The following EYS variants were observed in gnomAD, a reference collection of about 807,000 sequenced individuals.
EYS encodes the protein protein eyes shut homolog.
Under a neutral mutation model 282.1 loss-of-function variants are expected in EYS, and 250 were observed. That is an observed-to-expected ratio of 0.89 (90% confidence interval 0.80 to 0.98). EYS has a LOEUF of 0.98. Ranked by LOEUF, EYS falls within the 50% of genes least tolerant of loss-of-function variation. The pLI is 0.00. For missense variants in EYS, 4,016 were observed against 3,709.0 expected (o/e 1.08, Z -2.15); for synonymous variants, 1,355 against 1,282.9 (o/e 1.06, Z -1.20).
chr6:64,277,767 A>G (rs1352195835), intron 30 of EYS, among the ~76,000 whole-genome samples: 1 of 152,148 alleles, frequency 6.6e-6, no homozygotes, highest in Non-Finnish European at 1.5e-5. Flanking sequence ...GAGGATGGAG[A>G]AACAAAGTGT....
At chr6:65,531,953 GT>G (rs1174935951) in intron 2 of EYS, among the ~76,000 whole-genome samples, 1 of 151,966 alleles carries the variant, frequency 6.6e-6, no homozygotes, top group Non-Finnish European at 1.5e-5. Context: ...AAGGGAATTT[GT>G]TAACTCTGTG....
At position 64,778,795 on chromosome 6, in the gene EYS, G is replaced by A. The variant is rs994477616; in HGVS notation, c.3443+34583C>T. Among the ~76,000 whole-genome samples the A allele has an allele frequency of 7.2e-5, 11 of 151,864 alleles. No individual in the cohort carries two copies. In the South Asian group the frequency reaches 1.5e-3, roughly 20 times the overall value. ...AATAAGCATATGTAGCTATCCACAC[G>A]ATTTCTTAAAACCCATCAACAACAA... On this transcript the variant is annotated intron_variant, in intron 22 of 42. Transcript: ENST00000503581.
chr6:64,154,300 C>A (rs150577420), intron 31 of EYS, among the ~76,000 whole-genome samples: 2 of 151,954 alleles, frequency 1.3e-5, no homozygotes, highest in East Asian at 1.9e-4. Context: ...ATTAGCTGGG[C>A]GTGGTGGTAC....
intron 26 of EYS, among the ~76,000 whole-genome samples, chr6:64,472,004 T>A (rs1472096733): frequency 6.6e-6 from 1 of 152,188 alleles, no homozygotes; most frequent in Non-Finnish European, 1.5e-5. Flanking sequence ...GTGATAGATA[T>A]CTTAAATACT....
intron 16 of EYS, among the ~76,000 whole-genome samples, chr6:64,904,806 C>T (rs1258299776): frequency 3.3e-5 from 5 of 152,054 alleles, no homozygotes; most frequent in Non-Finnish European, 5.9e-5. Context: ...CACAGGATAA[C>T]CTTGTTTCCT....
intron 2 of EYS, among the ~76,000 whole-genome samples, chr6:65,625,239 C>T (rs1220465751): frequency 6.6e-6 from 1 of 152,164 alleles, no homozygotes; most frequent in Non-Finnish European, 1.5e-5. Flanking sequence ...ATCTTATATT[C>T]CCCGAAAAGC....
chr6:64,900,944 A>G lies in EYS; in HGVS notation c.2846+1169T>C, dbSNP rs368285923. On this transcript the variant is annotated intron_variant, in intron 18 of 42. Coordinates refer to ENST00000503581, the MANE Select transcript of EYS (RefSeq NM_001142800.2). ...CTACTATAAAGACACATGCACACGCATGTTTATTGCAGCACTATTAACAAT... is the reference window on the plus strand; with the variant it reads ...CTACTATAAAGACACATGCACACGCGTGTTTATTGCAGCACTATTAACAAT... 1.8e-4 allele frequency among the ~76,000 whole-genome samples: 28 copies of G among 152,250 alleles called. 1 individual carries two copies. In the East Asian group the frequency reaches 3.5e-3, roughly 19 times the overall value.
intron 22 of EYS, among the ~76,000 whole-genome samples, chr6:64,747,189 T>C (rs1238980303): frequency 6.6e-6 from 1 of 152,228 alleles, no homozygotes; most frequent in African/African-American, 2.4e-5. Context: ...TAAGGATCAA[T>C]GGGTTATATC....
intron 29 of EYS, among the ~76,000 whole-genome samples, chr6:64,320,970 ACAGTTTC>A (rs1306775112): frequency 6.6e-6 from 1 of 151,824 alleles, no homozygotes; most frequent in East Asian, 1.9e-4. Context: ...AATGGAATGA[ACAGTTTC>A]CAGTACCAAA....
intron 36 of EYS, among the ~76,000 whole-genome samples, chr6:63,846,303 C>T (rs532749489): frequency 6.6e-6 from 1 of 152,246 alleles, no homozygotes; most frequent in South Asian, 2.1e-4. Flanking sequence ...TTGCTGTCAA[C>T]AAGGTGCATG....
Position 65,284,178 on chromosome 6 carries a change from G to T in EYS, c.2023+11685C>A, listed in dbSNP as rs9453243. On this transcript the variant is annotated intron_variant, in intron 12 of 42. Coordinates refer to ENST00000503581, the MANE Select transcript of EYS (RefSeq NM_001142800.2). ...AGGTTCATGTTGTACACTGCGCAAT[G>T]CCCTAGCCACAAACTTTGGGGAAGC... Among the ~76,000 whole-genome samples the T allele has an allele frequency of 8.2e-3, 1,245 of 152,154 alleles. 16 individuals are homozygous for T. The highest frequency in any genetic ancestry group is 0.029 in the African/African-American group (1,184 of 41,522).
intron 34 of EYS, among the ~76,000 whole-genome samples, chr6:63,992,273 T>C (rs1236035520): frequency 6.6e-6 from 1 of 151,888 alleles, no homozygotes; most frequent in African/African-American, 2.4e-5. Flanking sequence ...TATTTTATTG[T>C]TGTATTGTTA....
At chr6:64,943,332 G>A (rs1769162305) in intron 15 of EYS, among the ~76,000 whole-genome samples, 1 of 151,986 alleles carries the variant, frequency 6.6e-6, no homozygotes, top group East Asian at 1.9e-4. Context: ...CACAGTACCG[G>A]AAGTCCGAGC....
At chr6:64,153,315 T>C (rs1464499272) in intron 31 of EYS, among the ~76,000 whole-genome samples, 1 of 152,122 alleles carries the variant, frequency 6.6e-6, no homozygotes, top group Non-Finnish European at 1.5e-5. Flanking sequence ...TAGATCACAA[T>C]GAACAATGAC....
chr6:63,721,701 G>A lies in EYS; in HGVS notation c.8330C>T (p.Thr2777Ile). ...TATATGCCAAGTACTTCCGTTTATA[G>A]TTACTTTTTGGAGAGTTTCTAGAAT... is the stretch of plus-strand genomic sequence containing the variant. ...TIILETLQKV[T>I]INGSTWHIIK... is the part of the protein sequence containing the mutation. Residue 2777 changes from threonine to isoleucine, a missense_variant, in exon 43 of 43, where the codon ACT (threonine) becomes ATT (isoleucine). By Grantham distance (89) the Thr-to-Ile change is moderately conservative. Transcript: ENST00000503581. 6.4e-7 allele frequency: 1 copy of A among 1,551,282 alleles called. No homozygotes were observed. The highest frequency in any genetic ancestry group is 8.7e-7 in the Non-Finnish European group (1 of 1,146,674).
chr6:64,023,746 C>A (rs897932142), intron 33 of EYS, among the ~76,000 whole-genome samples: 2 of 152,218 alleles, frequency 1.3e-5, no homozygotes, highest in African/African-American at 2.4e-5. Context: ...AGGCCAGAGC[C>A]GGCTCCCTCA....
intron 26 of EYS, among the ~76,000 whole-genome samples, chr6:64,544,211 C>T (rs1764777822): frequency 6.6e-6 from 1 of 152,090 alleles, no homozygotes; most frequent in East Asian, 1.9e-4. Context: ...TTCTTTTTAA[C>T]CTGTACACTC....
At chr6:65,622,969 G>C (rs2149803217) in intron 2 of EYS, among the ~76,000 whole-genome samples, 1 of 152,078 alleles carries the variant, frequency 6.6e-6, no homozygotes, top group Admixed American at 6.5e-5. Flanking sequence ...TGTTGCCCAG[G>C]CTGGTCTCAA....
intron 22 of EYS, among the ~76,000 whole-genome samples, chr6:64,700,336 C>A (rs998271639): frequency 3.9e-5 from 6 of 152,002 alleles, no homozygotes; most frequent in Non-Finnish European, 8.8e-5. Context: ...GACAAAGATG[C>A]ATACTTTCAC....
Sources: allele counts gnomAD v4.1 joint callset (sites outside exome capture counted in the v4.1 genomes callset), GRCh38; gene constraint gnomAD v4.1.1; transcripts MANE v1.5; gene names NCBI Gene and HGNC (gene_info 2026-07-23, HGNC 2026-07-21).